LIN28A: variants seen among roughly 807,000 people sequenced by gnomAD.
LIN28A encodes lin-28 RNA binding posttranscriptional regulator A, also known as protein lin-28 homolog A.
Under a neutral mutation model 21.1 loss-of-function variants are expected in LIN28A, and 11 were observed. The ratio of observed to expected loss-of-function variants is 0.52; its 90% CI spans 0.33 to 0.86. The LOEUF is 0.86. LIN28A is among the 40% of genes least tolerant of loss of function. LIN28A has a pLI of 0.03. For synonymous variants in LIN28A, 111 were observed against 108.7 expected (o/e 1.02, Z -0.13); for missense variants, 219 against 279.8 (o/e 0.78, Z 1.55).
At chr1:26,424,584 T>G (rs1290058321) in intron 2 of LIN28A, among the ~76,000 whole-genome samples, 1 of 152,164 alleles carries the variant, frequency 6.6e-6, no homozygotes, top group Non-Finnish European at 1.5e-5. Context: ...TATTTATTTA[T>G]TTTTGAGACG....
intron 2 of LIN28A, among the ~76,000 whole-genome samples, chr1:26,420,102 C>T (rs1193020966): frequency 6.6e-6 from 1 of 152,094 alleles, no homozygotes; most frequent in Non-Finnish European, 1.5e-5. Context: ...GTACCACAGG[C>T]ACATGCCACC....
chr1:26,410,863 G>T lies in LIN28A; in HGVS notation c.-29G>T. ...GGGGCCAGCAGCCGCCCGACCAGGGGCCCGGGGCCACGGGCTCAGCCGACG... is the reference window on the plus strand; with the variant it reads ...GGGGCCAGCAGCCGCCCGACCAGGGTCCCGGGGCCACGGGCTCAGCCGACG... On this transcript the variant is annotated 5_prime_UTR_variant, in exon 1 of 4. Coordinates refer to ENST00000326279, the MANE Select transcript of LIN28A (RefSeq NM_024674.6). 2.5e-6 allele frequency: 4 copies of T among 1,612,290 alleles called. No individual in the cohort carries two copies. The highest frequency in any genetic ancestry group is 3.4e-6 in the Non-Finnish European group (4 of 1,179,306).
chr1:26,426,161 G>C, intron 3 of LIN28A, 81 bp from the exon 4 acceptor site: 1 of 1,141,536 alleles, frequency 8.8e-7, no homozygotes, highest in Non-Finnish European at 1.3e-6. Context: ...CTGTACCAGA[G>C]CCCAGGTGTC....
In LIN28A at chr1:26,427,813, G is replaced by A. The variant is rs1225414807; in HGVS notation, c.*1355G>A. 1 of 152,484 alleles carries A rather than the reference G, an allele frequency of 6.6e-6. No homozygotes were observed. The highest frequency in any genetic ancestry group is 1.9e-4 in the East Asian group (1 of 5,202). 9.4% of individuals were successfully genotyped at this position (152,484 alleles called of 1,614,324 possible). A position where few individuals can be genotyped will look rare whatever the true frequency, so the allele number is the denominator to read the frequency against. On this transcript the variant is annotated 3_prime_UTR_variant, in exon 4 of 4. Coordinates refer to ENST00000326279, the MANE Select transcript of LIN28A (RefSeq NM_024674.6). ...AGATCCTTAACCTTTCAAAATTTTCGGGTTCCAGGGAGACACACAAGCGAG... is the reference window on the plus strand; with the variant it reads ...AGATCCTTAACCTTTCAAAATTTTCAGGTTCCAGGGAGACACACAAGCGAG...
At chr1:26,415,762 C>T (rs1017842523) in intron 2 of LIN28A, among the ~76,000 whole-genome samples, 1 of 152,074 alleles carries the variant, frequency 6.6e-6, no homozygotes, top group African/African-American at 2.4e-5. Flanking sequence ...GGTAGATCAC[C>T]ACTCGGAGCC....
At chr1:26,417,610 A>G (rs1368322182) in intron 2 of LIN28A, among the ~76,000 whole-genome samples, 1 of 152,056 alleles carries the variant, frequency 6.6e-6, no homozygotes, top group African/African-American at 2.4e-5. Flanking sequence ...GACTTTAACC[A>G]AGGTGCTTAT....
At chr1:26,419,355 T>C (rs1032997971) in intron 2 of LIN28A, among the ~76,000 whole-genome samples, 4 of 152,142 alleles carry the variant, frequency 2.6e-5, no homozygotes, top group Non-Finnish European at 5.9e-5. Flanking sequence ...GTAAAAGTCT[T>C]AGACCTCAGA....
chr1:26,417,324 C>A (rs1236004383), intron 2 of LIN28A, among the ~76,000 whole-genome samples: 1 of 152,176 alleles, frequency 6.6e-6, no homozygotes, highest in East Asian at 1.9e-4. Context: ...CTTTCACCAA[C>A]CTCCTTGACA....
Position 26,428,538 on chromosome 1 carries a change from TTCTTTC to T in LIN28A, c.*2082_*2087del, listed in dbSNP as rs1392733963. 8.5e-6 allele frequency: 1 copy of T among 117,788 alleles called. No homozygotes were observed. Among genetic ancestry groups the T allele is most frequent in the African/African-American group, 3.3e-5 (1 of 29,906 alleles). 7.3% of individuals were successfully genotyped at this position (117,788 alleles called of 1,614,324 possible). On this transcript the variant is annotated 3_prime_UTR_variant, in exon 4 of 4. Transcript: ENST00000326279. ...CTAAGTCAAGACCATTACCATTTCTTTCTTTCTTTTTTTTTTTTTTTTAAAATGGAG... is the reference window on the plus strand; with the variant it reads ...CTAAGTCAAGACCATTACCATTTCTTTTTTTTTTTTTTTTTTAAAATGGAG...
rs747828812 is a variant in LIN28A, at chr1:26,423,398, C to CT, written c.229-1897dup. The stretch of plus-strand genomic sequence containing the variant: ...GTTTTGCAGCCATTATTATGATTTC[C>CT]TTTTTTTTCTTTTTCTTTTTTTTTT... On this transcript the variant is annotated intron_variant, in intron 2 of 3. Coordinates refer to ENST00000326279, the MANE Select transcript of LIN28A (RefSeq NM_024674.6). 3.8e-3 allele frequency among the ~76,000 whole-genome samples: 456 copies of CT among 118,550 alleles called. 2 individuals are homozygous for CT. The highest frequency in any genetic ancestry group is 5.9e-3 in the Non-Finnish European group (337 of 57,578). The allele number at this position is 118,550 out of a possible 152,430, so 77.8% of individuals were successfully genotyped here. A position where few individuals can be genotyped will look rare whatever the true frequency, so the allele number is the denominator to read the frequency against.
At chr1:26,415,156 G>C (rs781403356) in intron 2 of LIN28A, among the ~76,000 whole-genome samples, 4 of 152,190 alleles carry the variant, frequency 2.6e-5, no homozygotes, top group Non-Finnish European at 5.9e-5. Context: ...TATATTAGAA[G>C]ACTTGGAGTC....
At position 26,426,204 on chromosome 1, in the gene LIN28A, C is replaced by T. The variant is rs761708342; in HGVS notation, c.414-38C>T. The T allele has an allele frequency of 4.5e-6, 7 of 1,567,114 alleles. 1 individual carries two copies. Among genetic ancestry groups the T allele is most frequent in the South Asian group, 2.2e-5 (2 of 90,070 alleles). On this transcript the variant is annotated intron_variant, in intron 3 of 3. Coordinates refer to ENST00000326279, the MANE Select transcript of LIN28A (RefSeq NM_024674.6). ...GTGGGAGGCATCTGGCCTCTTCTTG[C>T]TCCTTTCTCTTACTTTTACGATCTT...
intron 2 of LIN28A, among the ~76,000 whole-genome samples, chr1:26,420,115 G>A (rs1174702787): frequency 4.6e-5 from 7 of 151,990 alleles, no homozygotes; most frequent in Non-Finnish European, 1.0e-4. Context: ...ATGCCACCAT[G>A]CTGAGCTAAT....
rs769627891 is a variant in LIN28A, at chr1:26,427,745, C to T, written c.*1287C>T. ...AAGTTTAAAGACCAATACCCCTGTA[C>T]TTAATCCTGTGCTGTCGAGGGATGG... On this transcript the variant is annotated 3_prime_UTR_variant, in exon 4 of 4. Transcript: ENST00000326279. The T allele has an allele frequency of 2.6e-5, 4 of 152,254 alleles. No individual in the cohort carries two copies. The highest frequency in any genetic ancestry group is 4.4e-5 in the Non-Finnish European group (3 of 68,046). The allele number at this position is 152,254 out of a possible 1,614,324, so 9.4% of individuals were successfully genotyped here.
intron 2 of LIN28A, 47 bp from the exon 3 acceptor site, chr1:26,425,256 T>C (rs2075051855): frequency 6.4e-7 from 1 of 1,574,692 alleles, no homozygotes; most frequent in South Asian, 1.1e-5. Context: ...TCTTTTGGTA[T>C]AATAATGGAA....
chr1:26,424,443 T>C (rs961670225), intron 2 of LIN28A, among the ~76,000 whole-genome samples: 1 of 152,084 alleles, frequency 6.6e-6, no homozygotes, highest in Admixed American at 6.5e-5. Flanking sequence ...GGTTTCACCA[T>C]GTTGGCCAGG....
rs377421420 is a variant in LIN28A, at chr1:26,426,396, T to G, written c.568T>G (p.Tyr190Asp). 7 of 1,614,184 alleles carry G rather than the reference T, an allele frequency of 4.3e-6. No individual in the cohort carries two copies. ...QGPSAQGKPT[Y>D]FREEEEEIHS... The stretch of plus-strand genomic sequence containing the variant: ...CCCTAGTGCACAGGGAAAGCCAACC[T>G]ACTTTCGAGAGGAAGAAGAAGAAAT... Residue 190 changes from tyrosine to aspartate, a missense_variant, in exon 4 of 4, where the codon TAC (tyrosine) becomes GAC (aspartate). Physicochemically the swap from Tyr to Asp is radical, Grantham distance 160. Coordinates refer to ENST00000326279, the MANE Select transcript of LIN28A (RefSeq NM_024674.6).
chr1:26,419,892 C>A (rs1328559650), intron 2 of LIN28A, among the ~76,000 whole-genome samples: 1 of 152,132 alleles, frequency 6.6e-6, no homozygotes, highest in Non-Finnish European at 1.5e-5. Context: ...CCTCTAGGAC[C>A]TCCCAACTCA....
At chr1:26,418,869 C>CA (rs11389104) in intron 2 of LIN28A, among the ~76,000 whole-genome samples, 93,171 of 151,842 alleles carry the variant, frequency 0.61, 28,751 homozygotes, top group Admixed American at 0.64. Flanking sequence ...CTAGTTCTCT[C>CA]CCGTGACCAT....
Sources: allele counts gnomAD v4.1 joint callset (sites outside exome capture counted in the v4.1 genomes callset), GRCh38; gene constraint gnomAD v4.1.1; transcripts MANE v1.5; gene names NCBI Gene and HGNC (gene_info 2026-07-23, HGNC 2026-07-21).